Variants in GSK3B observed in about 807,000 individuals in gnomAD.
GSK3B encodes glycogen synthase kinase 3 beta, also known as glycogen synthase kinase-3 beta.
A neutral mutation model predicts 56.4 loss-of-function variants in GSK3B; 15 were observed. The observed-to-expected ratio is 0.27, with a 90% CI of 0.18 to 0.41. GSK3B has a LOEUF of 0.41. Ranked by LOEUF, GSK3B falls within the 10% of genes least tolerant of loss-of-function variation. The pLI is 1.00. For synonymous variants in GSK3B, 181 were observed against 188.9 expected, an observed-to-expected ratio of 0.96 and a Z score of 0.34; for missense variants, 300 against 513.4, an observed-to-expected ratio of 0.58 and a Z score of 4.02.
chr3:120,063,970 G>C (rs1385143728), intron 1 of GSK3B, among the ~76,000 whole-genome samples: 1 of 152,012 alleles, frequency 6.6e-6, no homozygotes, highest in Non-Finnish European at 1.5e-5. Flanking sequence ...CTGGGCAACA[G>C]AGTGAGACTC....
intron 2 of GSK3B, among the ~76,000 whole-genome samples, chr3:119,968,920 T>G (rs1284041854): frequency 6.6e-6 from 1 of 152,160 alleles, no homozygotes; most frequent in Non-Finnish European, 1.5e-5. Context: ...CAGGAACAAT[T>G]GGCATTAAAA....
chr3:119,999,747 G>A (rs2057657619), intron 2 of GSK3B, among the ~76,000 whole-genome samples: 1 of 152,200 alleles, frequency 6.6e-6, no homozygotes, highest in African/African-American at 2.4e-5. Flanking sequence ...TAAATGCACA[G>A]AATTTAGACA....
In GSK3B at chr3:119,876,508, C is replaced by T. The variant is rs762995497; in HGVS notation, c.814G>A (p.Val272Ile). The change falls in exon 8 of 11, where the codon GTC becomes ATC. Residue 272 changes from valine to isoleucine, a missense_variant and splice_region_variant. Val to Ile is a conservative substitution (Grantham distance 29). This residue lies in a region of GSK3B where 39 missense variants were observed against 154.6 expected (regional missense o/e 0.25). Coordinates refer to ENST00000264235, the MANE Select transcript of GSK3B (RefSeq NM_001146156.2). ...GVDQLVEIIK[V>I]LGTPTREQIR... is the part of the protein sequence containing the mutation. ...TGCTCCCTTGTTGGAGTTCCCAGGA[C>T]CTAGAAAGAAAGCAAGTTATTGCCA... 1.0e-5 allele frequency: 16 copies of T among 1,564,276 alleles called. No homozygotes were observed. Among genetic ancestry groups the T allele is most frequent in the Non-Finnish European group, 1.4e-5 (16 of 1,135,628 alleles).
At chr3:119,890,882 C>T (rs1057433077) in intron 7 of GSK3B, among the ~76,000 whole-genome samples, 1 of 151,722 alleles carries the variant, frequency 6.6e-6, no homozygotes, top group African/African-American at 2.4e-5. Flanking sequence ...AAAATCAGAA[C>T]TATTTTATAT....
chr3:119,884,579 T>C (rs1223213855), intron 7 of GSK3B, among the ~76,000 whole-genome samples: 1 of 152,108 alleles, frequency 6.6e-6, no homozygotes, highest in African/African-American at 2.4e-5. Context: ...TAGATAGGGA[T>C]ACAAATGCAT....
At chr3:120,081,354 C>T (rs2058418380) in intron 1 of GSK3B, among the ~76,000 whole-genome samples, 2 of 151,974 alleles carry the variant, frequency 1.3e-5, no homozygotes, top group African/African-American at 4.8e-5. Flanking sequence ...AGAGACCATC[C>T]TGGTCAACAT....
chr3:119,890,100 C>A (rs7624540), intron 7 of GSK3B, among the ~76,000 whole-genome samples: 33,457 of 151,890 alleles, frequency 0.22, 3,938 homozygotes, highest in African/African-American at 0.3. Context: ...GGTAACCATA[C>A]ACTTACCATA....
chr3:120,053,207 G>A (rs1275937605), intron 1 of GSK3B, among the ~76,000 whole-genome samples: 2 of 152,034 alleles, frequency 1.3e-5, no homozygotes, highest in Non-Finnish European at 2.9e-5. Context: ...TGTGTTGGCG[G>A]GAGCCTGTAA....
At chr3:120,057,409 A>T (rs544891590) in intron 1 of GSK3B, among the ~76,000 whole-genome samples, 1 of 152,178 alleles carries the variant, frequency 6.6e-6, no homozygotes, top group Non-Finnish European at 1.5e-5. Flanking sequence ...ACTCTATCCT[A>T]ATCAGATAAG....
At chr3:119,983,106 A>G (rs1219075643) in intron 2 of GSK3B, among the ~76,000 whole-genome samples, 1 of 152,212 alleles carries the variant, frequency 6.6e-6, no homozygotes, top group Non-Finnish European at 1.5e-5. Flanking sequence ...AGCCAAACTA[A>G]GCTTCATAAG....
chr3:119,893,121 C>T (rs1248502172), intron 7 of GSK3B, among the ~76,000 whole-genome samples: 1 of 152,006 alleles, frequency 6.6e-6, no homozygotes, highest in African/African-American at 2.4e-5. Context: ...GATTCTTGTG[C>T]CTCAGCCTCC....
intron 2 of GSK3B, among the ~76,000 whole-genome samples, chr3:119,969,189 G>A (rs1207832766): frequency 2.0e-5 from 3 of 151,764 alleles, no homozygotes; most frequent in African/African-American, 4.8e-5. Flanking sequence ...CTACTTGGGA[G>A]ACTGAGCCAG....
chr3:120,024,282 G>A (rs2057905047), intron 1 of GSK3B, among the ~76,000 whole-genome samples: 1 of 152,056 alleles, frequency 6.6e-6, no homozygotes, highest in Non-Finnish European at 1.5e-5. Context: ...GCCACAGTGA[G>A]CCATGTATGC....
At chr3:119,863,067 G>T (rs935984152) in intron 9 of GSK3B, among the ~76,000 whole-genome samples, 1 of 152,158 alleles carries the variant, frequency 6.6e-6, no homozygotes, top group African/African-American at 2.4e-5. Flanking sequence ...CTCTTTGGAA[G>T]CAAGAAATGC....
chr3:120,026,709 C>G (rs2057930868), intron 1 of GSK3B, among the ~76,000 whole-genome samples: 1 of 151,570 alleles, frequency 6.6e-6, no homozygotes, highest in African/African-American at 2.4e-5. Flanking sequence ...AGGCGCGCAC[C>G]ACCACATCTG....
intron 1 of GSK3B, among the ~76,000 whole-genome samples, chr3:120,053,892 C>T (rs1384393331): frequency 6.6e-6 from 1 of 152,194 alleles, no homozygotes; most frequent in East Asian, 1.9e-4. Flanking sequence ...CTTCCAGTCA[C>T]GTGGAACTGT....
intron 1 of GSK3B, among the ~76,000 whole-genome samples, chr3:120,054,796 A>C (rs2058179761): frequency 6.6e-6 from 1 of 152,174 alleles, no homozygotes; most frequent in Admixed American, 6.5e-5. Flanking sequence ...TAACATGCCC[A>C]CAATTGAACT....
chr3:120,075,198 C>G (rs1309184726), intron 1 of GSK3B, among the ~76,000 whole-genome samples: 2 of 152,136 alleles, frequency 1.3e-5, no homozygotes, highest in African/African-American at 4.8e-5. Flanking sequence ...GATAAAAACT[C>G]TTTAACAGTT....
chr3:120,064,640 G>A (rs73175897), intron 1 of GSK3B, among the ~76,000 whole-genome samples: 13,004 of 152,142 alleles, frequency 0.085, 692 homozygotes, highest in Non-Finnish European at 0.12. Context: ...GGCCTTTTCT[G>A]CAGAAATGAA....
Sources: allele counts gnomAD v4.1 joint callset (sites outside exome capture counted in the v4.1 genomes callset), GRCh38; gene constraint gnomAD v4.1.1; regional missense constraint gnomAD v4.1.1; transcripts MANE v1.5; gene names NCBI Gene and HGNC (gene_info 2026-07-23, HGNC 2026-07-21).